The following FDPS variants were observed in gnomAD, a reference collection of about 807,000 sequenced individuals.
The protein encoded by FDPS is farnesyl pyrophosphate synthase.
FDPS carries 29 observed loss-of-function variants against 49.5 expected under a neutral mutation model. That is an observed-to-expected ratio of 0.59 (90% CI 0.44 to 0.80). The LOEUF is 0.80. Among genes scored for constraint, FDPS ranks in the 30% least tolerant of loss-of-function variants. FDPS has a pLI of 0.00. For synonymous variants in FDPS, 172 were observed against 206.4 expected (o/e 0.83, Z 1.43); for missense variants, 414 against 525.6 (o/e 0.79, Z 2.08).
chr1:155,319,491 G>C (rs1649981894), intron 8 of FDPS, 120 bp from the exon 9 acceptor site: 1 of 1,011,912 alleles, frequency 9.9e-7, no homozygotes, highest in Admixed American at 2.0e-5. Context: ...GGGAAGCCAA[G>C]ATGTCTGAAG....
At chr1:155,315,475 C>T (rs1350994330) in intron 4 of FDPS, among the ~76,000 whole-genome samples, 2 of 152,026 alleles carry the variant, frequency 1.3e-5, no homozygotes, top group East Asian at 1.9e-4. Context: ...GTCAGGAGAT[C>T]GAGACCATCC....
At chr1:155,311,975 AAAAT>A (rs569029572) in intron 3 of FDPS, among the ~76,000 whole-genome samples, 9 of 151,924 alleles carry the variant, frequency 5.9e-5, no homozygotes, top group African/African-American at 1.5e-4. Context: ...TCATCTCAAA[AAAAT>A]AAATAAATAA....
chr1:155,318,045 G>A lies in FDPS; in HGVS notation c.561+24G>A, dbSNP rs114439752. On this transcript the variant is annotated intron_variant, in intron 5 of 10. Coordinates refer to ENST00000368356, the MANE Select transcript of FDPS (RefSeq NM_002004.4). This position sits in a 1 kb window ranked among gnomAD's most constrained non-coding sequence, Gnocchi z 4.2. ...AGGTAATGTGGGCAGGAAAATAGCA[G>A]TGGGTATGGGGACAGGCCACAGGGA... 1,096 of 1,613,444 alleles carry A rather than the reference G, an allele frequency of 6.8e-4. 6 individuals are homozygous for A. In the African/African-American group the frequency reaches 0.013, roughly 19 times the overall value.
At chr1:155,315,130 T>G (rs2148239119) in intron 4 of FDPS, among the ~76,000 whole-genome samples, 1 of 152,336 alleles carries the variant, frequency 6.6e-6, no homozygotes, top group Admixed American at 6.5e-5. Context: ...ATAACAGCAG[T>G]GATTGCAACG....
Position 155,320,609 on chromosome 1 carries a change from A to G in FDPS, c.1260A>G (p.Ter420TrpextTer?). ...LARKIYKRRK[*>W] is the part of the protein sequence containing the mutation. ...GCAAAATCTACAAGCGGAGAAAGTG[A>G]CCTAGAGATTGCAAGGGCGGGGAGA... The change falls in exon 11 of 11, where the codon TGA (stop) becomes TGG (tryptophan). Residue 420 changes from the stop codon to tryptophan, a stop_lost. Coordinates refer to ENST00000368356, the MANE Select transcript of FDPS (RefSeq NM_002004.4). 1 of 1,614,022 alleles carries G rather than the reference A, an allele frequency of 6.2e-7. No individual in the cohort carries two copies. Among genetic ancestry groups the G allele is most frequent in the Non-Finnish European group, 8.5e-7 (1 of 1,179,972 alleles).
At chr1:155,309,614 TTTTGTTCCCTG>T in intron 1 of FDPS, 164 bp from the exon 2 acceptor site, 3 of 550,462 alleles carry the variant, frequency 5.4e-6, no homozygotes, top group South Asian at 3.4e-5. Context: ...AGCCATACTT[TTTTGTTCCCTG>T]CGTATCCTTC....
At position 155,318,656 on chromosome 1, in the gene FDPS, C is replaced by G. The variant is rs200593649; in HGVS notation, c.685-9C>G. ...AGCCTGGCTCATGGACCGTCTTTGTCTTGCTTAGAGTTCCTATCAGACTGA... is the reference window on the plus strand; with the variant it reads ...AGCCTGGCTCATGGACCGTCTTTGTGTTGCTTAGAGTTCCTATCAGACTGA... On this transcript the variant is annotated splice_polypyrimidine_tract_variant and intron_variant, in intron 6 of 10. Coordinates refer to ENST00000368356, the MANE Select transcript of FDPS (RefSeq NM_002004.4). This position sits in a 1 kb window ranked among gnomAD's most constrained non-coding sequence, Gnocchi z 4.2. 8 of 1,606,710 alleles carry G rather than the reference C, an allele frequency of 5.0e-6. No homozygotes were observed. The highest frequency in any genetic ancestry group is 2.2e-5 in the East Asian group (1 of 44,858).
rs147759901 is a variant in FDPS, at chr1:155,320,048, C to A, written c.1059+120C>A. 1,581 of 1,219,642 alleles carry A rather than the reference C, an allele frequency of 1.3e-3. 15 individuals are homozygous for A. The African/African-American group carries it at 0.022, about 17-fold the overall frequency. 75.6% of individuals were successfully genotyped at this position (1,219,642 alleles called of 1,614,324 possible). A position where few individuals can be genotyped will look rare whatever the true frequency, so the allele number is the denominator to read the frequency against. On this transcript the variant is annotated intron_variant, in intron 10 of 10. Transcript: ENST00000368356. The stretch of plus-strand genomic sequence containing the variant: ...GGCAATGTCAGCAGACATTTTTTGC[C>A]ATTGTCATTACAACTCTGTGTGTGT...
chr1:155,317,944 C>T lies in FDPS; in HGVS notation c.484C>T (p.Gln162Ter). Residue 162 changes from glutamine to a stop codon, truncating the protein, a stop_gained, in exon 5 of 11, where the codon CAA becomes TAA. Coordinates refer to ENST00000368356, the MANE Select transcript of FDPS (RefSeq NM_002004.4). LOFTEE classifies it high-confidence loss of function. ...WTVGWCVELL[Q>*]AFFLVADDIM... is the part of the protein sequence containing the mutation. The stretch of plus-strand genomic sequence containing the variant: ...GGTCTTATTCCACTCTTTCTAGCTG[C>T]AAGCTTTCTTCCTGGTGGCAGATGA... The T allele has an allele frequency of 6.2e-7, 1 of 1,612,460 alleles. No homozygotes were observed. Among genetic ancestry groups the T allele is most frequent in the Non-Finnish European group, 8.5e-7 (1 of 1,179,888 alleles).
intron 3 of FDPS, 66 bp downstream of exon 3, chr1:155,310,271 AC>A (rs1468904963): frequency 6.7e-7 from 1 of 1,490,392 alleles, no homozygotes; most frequent in East Asian, 2.3e-5. Flanking sequence ...TGTGGCATTC[AC>A]CTGTGGCTTA....
At chr1:155,309,645 TC>T in intron 1 of FDPS, 143 bp from the exon 2 acceptor site, 1 of 679,446 alleles carries the variant, frequency 1.5e-6, no homozygotes, top group South Asian at 2.7e-5. Flanking sequence ...CCTGTAATTG[TC>T]CCCAAGCACA....
At chr1:155,315,406 G>A (rs1407483072) in intron 4 of FDPS, among the ~76,000 whole-genome samples, 2 of 152,174 alleles carry the variant, frequency 1.3e-5, no homozygotes, top group African/African-American at 4.8e-5. Context: ...TAGGCTGGGC[G>A]CAGTGGCTCA....
Position 155,309,845 on chromosome 1 carries a change from A to G in FDPS, c.56A>G (p.Tyr19Cys), listed in dbSNP as rs1293884372. Residue 19 changes from tyrosine (Y) to cysteine (C), a missense_variant, in exon 2 of 11, where the codon TAC (tyrosine) becomes TGC (cysteine). By Grantham distance (194) the Tyr-to-Cys change is radical (BLOSUM62 -2). Transcript: ENST00000368356. ...GGGGTCTTCCTGCTGCCAGCCCCCT[A>G]CTGGGCACCCCGGGAGAGGTGGCTG... ...SVGVFLLPAP[Y>C]WAPRERWLGS... is the part of the protein sequence containing the mutation. 6.3e-7 allele frequency: 1 copy of G among 1,583,792 alleles called. No homozygotes were observed. Among genetic ancestry groups the G allele is most frequent in the Non-Finnish European group, 8.6e-7 (1 of 1,162,548 alleles).
chr1:155,313,978 C>T (rs1649061213), intron 4 of FDPS, among the ~76,000 whole-genome samples: 1 of 151,918 alleles, frequency 6.6e-6, no homozygotes, highest in Admixed American at 6.6e-5. Flanking sequence ...GCCACCATCC[C>T]TGGCTAATTT....
At chr1:155,311,167 C>T (rs1402428932) in intron 3 of FDPS, among the ~76,000 whole-genome samples, 2 of 152,014 alleles carry the variant, frequency 1.3e-5, no homozygotes, top group East Asian at 1.9e-4. Flanking sequence ...GTGAAACCCC[C>T]GTCTCTACTA....
At chr1:155,309,002 G>A (rs1335592644) in intron 1 of FDPS, 37 bp downstream of exon 1, 1 of 152,456 alleles carries the variant, frequency 6.6e-6, no homozygotes, top group Admixed American at 6.5e-5. Context: ...GGAGGAAGGG[G>A]GCCGAGACCG....
chr1:155,311,035 G>A (rs932690825), intron 3 of FDPS, among the ~76,000 whole-genome samples: 1 of 152,042 alleles, frequency 6.6e-6, no homozygotes, highest in Admixed American at 6.6e-5. Flanking sequence ...GCCTATACTG[G>A]AATGGGGATT....
chr1:155,310,320 T>TC lies in FDPS; in HGVS notation c.339+115_339+116insC, dbSNP rs997132275. 6 of 949,730 alleles carry TC rather than the reference T, an allele frequency of 6.3e-6. No individual in the cohort carries two copies. In the Admixed American group the frequency reaches 1.6e-4, roughly 26 times the overall value. The allele number at this position is 949,730 out of a possible 1,614,324, so 58.8% of individuals were successfully genotyped here. On this transcript the variant is annotated intron_variant, in intron 3 of 10. Transcript: ENST00000368356. Reference sequence around the variant, plus strand: ...GACAGATGTGAGAGAAAGCTTTTTTTTTTTTTTTGAGACAGAGCCTTGCTC... The same window carrying TC: ...GACAGATGTGAGAGAAAGCTTTTTTTCTTTTTTTTGAGACAGAGCCTTGCTC...
At chr1:155,315,474 T>C (rs1278621073) in intron 4 of FDPS, among the ~76,000 whole-genome samples, 1 of 151,420 alleles carries the variant, frequency 6.6e-6, no homozygotes, top group Non-Finnish European at 1.5e-5. Flanking sequence ...AGTCAGGAGA[T>C]CGAGACCATC....
Sources: allele counts gnomAD v4.1 joint callset (sites outside exome capture counted in the v4.1 genomes callset), GRCh38; gene constraint gnomAD v4.1.1; non-coding constraint Gnocchi (gnomAD v3.1); transcripts MANE v1.5; gene names NCBI Gene and HGNC (gene_info 2026-07-23, HGNC 2026-07-21).